CXADR: variants seen among roughly 807,000 people sequenced by gnomAD.
CXADR encodes the protein CXADR cell adhesion molecule, also known as coxsackievirus and adenovirus receptor.
Under a neutral mutation model 40.3 loss-of-function variants are expected in CXADR, and 20 were observed. The observed-to-expected ratio is 0.50, with a 90% CI of 0.35 to 0.72. The LOEUF is 0.72. Ranked by LOEUF, CXADR falls within the 30% of genes least tolerant of loss-of-function variation. The pLI is 0.01. For missense variants in CXADR, 332 were observed against 449.1 expected, an observed-to-expected ratio of 0.74 and a Z score of 2.36; for synonymous variants, 150 against 161.3, an observed-to-expected ratio of 0.93 and a Z score of 0.53.
chr21:17,514,143 C>T (rs2060428424), intron 1 of CXADR, among the ~76,000 whole-genome samples: 1 of 152,086 alleles, frequency 6.6e-6, no homozygotes, highest in East Asian at 1.9e-4. Context: ...CCAAATAATT[C>T]ATTTTTAAAA....
chr21:17,597,537 G>A (rs1428371800), downstream of CXADR, among the ~76,000 whole-genome samples: 3 of 151,964 alleles, frequency 2.0e-5, no homozygotes, highest in African/African-American at 7.2e-5. Context: ...CTGTGGAAAT[G>A]CATAGGGACT....
At chr21:17,520,273 C>G (rs2060514528) in intron 1 of CXADR, among the ~76,000 whole-genome samples, 1 of 152,118 alleles carries the variant, frequency 6.6e-6, no homozygotes, top group South Asian at 2.1e-4. Context: ...TCAGATGGTA[C>G]AGCTTTTGCA....
Position 17,513,077 on chromosome 21 carries a change from C to T in CXADR, c.-53C>T. 2 of 1,333,338 alleles carry T rather than the reference C, an allele frequency of 1.5e-6. No homozygotes were observed. The highest frequency in any genetic ancestry group is 1.9e-6 in the Non-Finnish European group (2 of 1,038,562). The allele number at this position is 1,333,338 out of a possible 1,614,324, so 82.6% of individuals were successfully genotyped here. A position where few individuals can be genotyped will look rare whatever the true frequency, so the allele number is the denominator to read the frequency against. ...CGCGCGAGGCGCGGGGAGCCTGGGACCAGGAGCGAGAGCCGCCTACCTGCA... is the reference window on the plus strand; with the variant it reads ...CGCGCGAGGCGCGGGGAGCCTGGGATCAGGAGCGAGAGCCGCCTACCTGCA... On this transcript the variant is annotated 5_prime_UTR_variant, in exon 1 of 7. Coordinates refer to ENST00000284878, the MANE Select transcript of CXADR (RefSeq NM_001338.5).
chr21:17,617,667 A>G, the CXADR span, among the ~76,000 whole-genome samples: 1 of 152,242 alleles, frequency 6.6e-6, no homozygotes, highest in Non-Finnish European at 1.5e-5. Context: ...TAATTAAAAA[A>G]TATTTTATTG....
chr21:17,513,471 A>G (rs1203582369), intron 1 of CXADR, among the ~76,000 whole-genome samples: 2 of 152,194 alleles, frequency 1.3e-5, no homozygotes, highest in African/African-American at 4.8e-5. Flanking sequence ...CAGCTCTCCC[A>G]TAGCATTCTC....
At chr21:17,522,391 G>T (rs150616891) in intron 1 of CXADR, among the ~76,000 whole-genome samples, 1 of 151,960 alleles carries the variant, frequency 6.6e-6, no homozygotes, top group Non-Finnish European at 1.5e-5. Flanking sequence ...CAGGTGATCC[G>T]CCCGCCTCGG....
chr21:17,586,114 CTAAATA>C, intron 7 of CXADR, among the ~76,000 whole-genome samples: 1 of 152,158 alleles, frequency 6.6e-6, no homozygotes, highest in East Asian at 1.9e-4. Context: ...TTCATCTGGT[CTAAATA>C]TGGTCTCAAT....
rs1258612920 is a variant in CXADR, at chr21:17,566,726, T to A, written c.*1034T>A. 5 of 966,944 alleles carry A rather than the reference T, an allele frequency of 5.2e-6. No individual in the cohort carries two copies. Among genetic ancestry groups the A allele is most frequent in the Non-Finnish European group, 6.1e-6 (5 of 813,380 alleles). 59.9% of individuals were successfully genotyped at this position (966,944 alleles called of 1,614,324 possible). On this transcript the variant is annotated 3_prime_UTR_variant, in exon 7 of 7. Coordinates refer to ENST00000284878, the MANE Select transcript of CXADR (RefSeq NM_001338.5). ...TTCTAGAAACATGTAATCCTAAATT[T>A]ACCCTCTTGAATATAATCCCTGGAT... is the stretch of plus-strand genomic sequence containing the variant.
chr21:17,585,509 TC>T (rs2061388293), intron 7 of CXADR, among the ~76,000 whole-genome samples: 1 of 151,726 alleles, frequency 6.6e-6, no homozygotes, highest in African/African-American at 2.4e-5. Context: ...TCTTTGTGCT[TC>T]TGGGTGTTTA....
At position 17,561,320 on chromosome 21, in the gene CXADR, TA is replaced by T; in HGVS notation, c.695-16del. 6.8e-7 allele frequency: 1 copy of T among 1,469,182 alleles called. No homozygotes were observed. Among genetic ancestry groups the T allele is most frequent in the Non-Finnish European group, 9.2e-7 (1 of 1,086,102 alleles). The allele number at this position is 1,469,182 out of a possible 1,614,324, so 91.0% of individuals were successfully genotyped here. On this transcript the variant is annotated splice_polypyrimidine_tract_variant and intron_variant, in intron 5 of 6. Coordinates refer to ENST00000284878, the MANE Select transcript of CXADR (RefSeq NM_001338.5). ...TATATATGTATATATTTTTTACTAT[TA>T]ATTCTTCTTATTTTAGCTTCAAATA... is the stretch of plus-strand genomic sequence containing the variant.
intron 3 of CXADR, among the ~76,000 whole-genome samples, chr21:17,555,062 C>G (rs936293268): frequency 6.6e-6 from 1 of 152,052 alleles, no homozygotes; most frequent in African/African-American, 2.4e-5. Flanking sequence ...GGATGCAGCT[C>G]AGTAAAGAAG....
At chr21:17,560,633 T>C in intron 4 of CXADR, 69 bp from the exon 5 acceptor site, 1 of 1,486,778 alleles carries the variant, frequency 6.7e-7, no homozygotes. Flanking sequence ...GAGAGGACTA[T>C]GTTTACTAAC....
intron 1 of CXADR, among the ~76,000 whole-genome samples, chr21:17,522,437 T>C (rs1046886322): frequency 2.0e-5 from 3 of 152,174 alleles, no homozygotes; most frequent in African/African-American, 4.8e-5. Flanking sequence ...TGTGAGCCAC[T>C]GCGCTCAGCC....
At chr21:17,519,392 C>T (rs1248233726) in intron 1 of CXADR, among the ~76,000 whole-genome samples, 2 of 152,226 alleles carry the variant, frequency 1.3e-5, no homozygotes, top group Admixed American at 1.3e-4. Flanking sequence ...TCTCCCTTCT[C>T]ATCTAATAAA....
chr21:17,618,066 T>G, the CXADR span, among the ~76,000 whole-genome samples: 38,192 of 152,114 alleles, frequency 0.25, 5,016 homozygotes, highest in East Asian at 0.39. Flanking sequence ...AAACACCATT[T>G]TGTAGCCAGG....
intron 3 of CXADR, among the ~76,000 whole-genome samples, chr21:17,554,216 G>A (rs1444737834): frequency 2.0e-5 from 3 of 152,158 alleles, no homozygotes. Flanking sequence ...CAGGTTCAGG[G>A]TCACATTTGC....
chr21:17,574,888 A>G (rs1251229651), downstream of CXADR, among the ~76,000 whole-genome samples: 1 of 152,070 alleles, frequency 6.6e-6, no homozygotes. Context: ...AATGTGGATT[A>G]CCAAGGATGT....
the CXADR span, among the ~76,000 whole-genome samples, chr21:17,601,478 C>T: frequency 6.6e-6 from 1 of 152,128 alleles, no homozygotes; most frequent in Non-Finnish European, 1.5e-5. Context: ...GAGCTATGAT[C>T]ATGCCACCGC....
At chr21:17,523,400 G>A (rs1241672306) in intron 1 of CXADR, among the ~76,000 whole-genome samples, 1 of 152,178 alleles carries the variant, frequency 6.6e-6, no homozygotes, top group Non-Finnish European at 1.5e-5. Flanking sequence ...GGTGAGCAGG[G>A]CTGGGCTCTG....
Sources: gnomAD v4.1 joint callset for allele counts (sites outside exome capture counted in the v4.1 genomes callset) on GRCh38, gnomAD v4.1.1 for gene constraint, MANE v1.5 for transcripts, NCBI Gene and HGNC (gene_info 2026-07-23, HGNC 2026-07-21) for gene names.